Variants in SLC10A7 observed in about 807,000 individuals in gnomAD.
SLC10A7 encodes the protein sodium/bile acid cotransporter 7.
Under a neutral mutation model 43.2 loss-of-function variants are expected in SLC10A7, and 29 were observed. The observed-to-expected ratio is 0.67, with a 90% CI of 0.50 to 0.92. SLC10A7 has a LOEUF of 0.92. Ranked by LOEUF, SLC10A7 falls within the 40% of genes least tolerant of loss-of-function variation. The pLI, the probability that SLC10A7 is intolerant of heterozygous loss-of-function variation, is 0.00. For missense variants in SLC10A7, 295 were observed against 403.2 expected, an observed-to-expected ratio of 0.73 and a Z score of 2.30; for synonymous variants, 152 against 144.8, an observed-to-expected ratio of 1.05 and a Z score of -0.35.
intron 2 of SLC10A7, chr4:146,514,594 T>C (rs1414090939): frequency 6.6e-6 from 1 of 152,282 alleles, no homozygotes; most frequent in Non-Finnish European, 1.5e-5. Context: ...AATGTATGAG[T>C]CATATAAGAA....
chr4:146,356,597 C>T (rs1735662730), intron 5 of SLC10A7, among the ~76,000 whole-genome samples: 1 of 151,156 alleles, frequency 6.6e-6, no homozygotes, highest in African/African-American at 2.4e-5. Context: ...ACACACTCCC[C>T]ATCTTCTCTC....
chr4:146,422,584 T>A (rs1415284095), intron 5 of SLC10A7, among the ~76,000 whole-genome samples: 1 of 152,198 alleles, frequency 6.6e-6, no homozygotes, highest in Non-Finnish European at 1.5e-5. Context: ...AGACTTCTCA[T>A]GTCAAACATA....
At chr4:146,393,468 A>T (rs1166047817) in intron 5 of SLC10A7, among the ~76,000 whole-genome samples, 1 of 152,174 alleles carries the variant, frequency 6.6e-6, no homozygotes, top group African/African-American at 2.4e-5. Context: ...ACTCTGGTTA[A>T]CAACTTTGAC....
At chr4:146,448,053 A>T (rs955566883) in intron 4 of SLC10A7, among the ~76,000 whole-genome samples, 3 of 151,934 alleles carry the variant, frequency 2.0e-5, no homozygotes, top group Admixed American at 1.3e-4. Context: ...AACATCACAC[A>T]TCAGGGACTG....
At chr4:146,340,433 C>G (rs1056351299) in intron 5 of SLC10A7, among the ~76,000 whole-genome samples, 1 of 151,490 alleles carries the variant, frequency 6.6e-6, no homozygotes, top group East Asian at 1.9e-4. Flanking sequence ...AAAACAAAGA[C>G]CCAGGCTCTA....
Position 146,457,778 on chromosome 4 carries a change from A to G in SLC10A7, c.397-14957T>C, listed in dbSNP as rs200716876. Among the ~76,000 whole-genome samples, 7 of 151,918 alleles carry G rather than the reference A, an allele frequency of 4.6e-5. No homozygotes were observed. The East Asian group carries it at 1.4e-3, about 29-fold the overall frequency. On this transcript the variant is annotated intron_variant, in intron 4 of 11. Coordinates refer to ENST00000335472, the MANE Select transcript of SLC10A7 (RefSeq NM_001029998.6). ...TCCTTGAAAGACACAAACTACAAAA[A>G]CTCTCTTAAGAACAGATGACCTAAA...
At chr4:146,271,039 A>T (rs1439432507) in intron 10 of SLC10A7, among the ~76,000 whole-genome samples, 1 of 152,124 alleles carries the variant, frequency 6.6e-6, no homozygotes, top group Non-Finnish European at 1.5e-5. Flanking sequence ...ATATCATTTC[A>T]TTATTAAAAT....
intron 6 of SLC10A7, among the ~76,000 whole-genome samples, chr4:146,306,383 C>T (rs1417367065): frequency 6.6e-6 from 1 of 152,058 alleles, no homozygotes; most frequent in East Asian, 1.9e-4. Context: ...ATAAATGTCT[C>T]ATTCCTTTAT....
chr4:146,411,848 A>G (rs1234485851), intron 5 of SLC10A7, among the ~76,000 whole-genome samples: 1 of 152,202 alleles, frequency 6.6e-6, no homozygotes, highest in Admixed American at 6.6e-5. Context: ...CTGGAATAAA[A>G]CTTACATAAT....
chr4:146,426,739 G>T (rs1272703725), intron 5 of SLC10A7, among the ~76,000 whole-genome samples: 1 of 152,092 alleles, frequency 6.6e-6, no homozygotes, highest in Admixed American at 6.5e-5. Flanking sequence ...GCTGGGCATG[G>T]TGGTATGCGC....
intron 5 of SLC10A7, among the ~76,000 whole-genome samples, chr4:146,388,750 C>G (rs1436209594): frequency 7.3e-6 from 1 of 136,942 alleles, no homozygotes; most frequent in Non-Finnish European, 1.5e-5. Flanking sequence ...CAGTGTGAGA[C>G]TCTGTCAAAA....
At chr4:146,323,358 A>G (rs1181936297) in intron 6 of SLC10A7, among the ~76,000 whole-genome samples, 2 of 152,116 alleles carry the variant, frequency 1.3e-5, no homozygotes, top group African/African-American at 2.4e-5. Context: ...TTATGGTTTT[A>G]GGTCTAACAT....
rs563052384 is a variant in SLC10A7 at position 146,262,275 on chromosome 4, C to A, written c.848-3438G>T. Among the ~76,000 whole-genome samples, 15 of 152,294 alleles carry A rather than the reference C, an allele frequency of 9.8e-5. No homozygotes were observed. The South Asian group carries it at 3.1e-3, about 32-fold the overall frequency. On this transcript the variant is annotated intron_variant, in intron 10 of 11. Coordinates refer to ENST00000335472, the MANE Select transcript of SLC10A7 (RefSeq NM_001029998.6). ...AAGCAGAGTGAGAGTTAACACTTCC[C>A]ATGTTCGAGTTTCCATGCTATGGTG...
intron 9 of SLC10A7, among the ~76,000 whole-genome samples, chr4:146,286,393 T>TTTGGAGTGGTGAGAAGGACTGA (rs1729946712): frequency 9.3e-5 from 4 of 43,124 alleles, no homozygotes; most frequent in Non-Finnish European, 1.3e-4. Flanking sequence ...AGAAGGACTG[T>TTTGGAGTGGTGAGAAGGACTGA]GTTTGGAGTG....
At chr4:146,380,611 G>A (rs1209884141) in intron 5 of SLC10A7, among the ~76,000 whole-genome samples, 1 of 152,090 alleles carries the variant, frequency 6.6e-6, no homozygotes, top group African/African-American at 2.4e-5. Flanking sequence ...ATTAGGTGTT[G>A]CTAAAGGCTA....
chr4:146,494,757 T>C (rs1309686796), intron 4 of SLC10A7, among the ~76,000 whole-genome samples: 2 of 152,086 alleles, frequency 1.3e-5, no homozygotes, highest in African/African-American at 4.8e-5. Flanking sequence ...TCATGGAGGA[T>C]ATGAACTGAG....
intron 9 of SLC10A7, among the ~76,000 whole-genome samples, chr4:146,292,083 G>C (rs1332388219): frequency 6.6e-6 from 1 of 152,116 alleles, no homozygotes; most frequent in Non-Finnish European, 1.5e-5. Flanking sequence ...GTCTTTCCAG[G>C]GAGCAGCAAA....
intron 4 of SLC10A7, among the ~76,000 whole-genome samples, chr4:146,502,394 A>G (rs1156803392): frequency 6.6e-6 from 1 of 152,196 alleles, no homozygotes; most frequent in Admixed American, 6.5e-5. Flanking sequence ...AAGAGTGCTT[A>G]TATATTGAGA....
At chr4:146,281,050 C>T (rs1729516767) in intron 10 of SLC10A7, among the ~76,000 whole-genome samples, 1 of 152,120 alleles carries the variant, frequency 6.6e-6, no homozygotes, top group Non-Finnish European at 1.5e-5. Context: ...CATGGTAGAA[C>T]ACTGCAAAAG....
Sources: allele counts gnomAD v4.1 joint callset (sites outside exome capture counted in the v4.1 genomes callset), GRCh38; gene constraint gnomAD v4.1.1; transcripts MANE v1.5; gene names NCBI Gene and HGNC (gene_info 2026-07-23, HGNC 2026-07-21).